ABCA1: variants seen among roughly 807,000 people sequenced by gnomAD.
The protein encoded by ABCA1 is ATP binding cassette subfamily A member 1.
ABCA1 carries 133 observed loss-of-function variants against 262.5 expected under a neutral mutation model. That is an observed-to-expected ratio of 0.51 (90% CI 0.44 to 0.59). The LOEUF (loss-of-function observed/expected upper bound fraction) is 0.59. ABCA1 is among the 20% of genes least tolerant of loss of function. The probability of loss-of-function intolerance (pLI) is 0.00; values close to 1 mark genes in which losing one functional copy is unlikely to be tolerated. For missense variants in ABCA1, 2,452 were observed against 2,777.5 expected (o/e 0.88, Z 2.63); for synonymous variants, 1,022 against 1,043.5 (o/e 0.98, Z 0.40).
At chr9:104,785,841 G>A (rs777761526) in intron 48 of ABCA1, among the ~76,000 whole-genome samples, 1 of 152,166 alleles carries the variant, frequency 6.6e-6, no homozygotes, top group Non-Finnish European at 1.5e-5. Context: ...GTAAATACAT[G>A]ATCTCCTTTA....
rs1831217724 is a variant in ABCA1 at position 104,810,881 on chromosome 9, C to T, written c.4094G>A (p.Ser1365Asn). The T allele has an allele frequency of 6.2e-7, 1 of 1,614,216 alleles. No homozygotes were observed. Among genetic ancestry groups the T allele is most frequent in the Non-Finnish European group, 8.5e-7 (1 of 1,180,046 alleles). The change falls in exon 29 of 50, where the codon AGC becomes AAC. Residue 1365 changes from serine (S) to asparagine (N), a missense_variant. Physicochemically the swap from Ser to Asn is conservative, Grantham distance 46. Transcript: ENST00000374736. ...AVFVCIALVF[S>N]LIVPPFGKYP... ...CTTGCCAAAGGGTGGCACGATCAGG[C>T]TGAACACAAGGGCAATGCAGACAAA...
chr9:104,856,380 C>T (rs1390927348), intron 7 of ABCA1, among the ~76,000 whole-genome samples: 2 of 152,120 alleles, frequency 1.3e-5, no homozygotes, highest in Non-Finnish European at 2.9e-5. Flanking sequence ...TCCACAAACC[C>T]GAGATATGCA....
At chr9:104,806,123 CAA>C in intron 31 of ABCA1, 116 bp downstream of exon 31, 1 of 1,160,840 alleles carries the variant, frequency 8.6e-7, no homozygotes, top group Non-Finnish European at 1.2e-6. Context: ...AAACAAAAAA[CAA>C]AAAAGACTGA....
At chr9:104,875,843 C>T (rs776520102) in intron 5 of ABCA1, among the ~76,000 whole-genome samples, 11 of 152,102 alleles carry the variant, frequency 7.2e-5, no homozygotes, top group Non-Finnish European at 1.6e-4. Flanking sequence ...ACAGGGACCG[C>T]GGTGTGTATG....
intron 1 of ABCA1, among the ~76,000 whole-genome samples, chr9:104,921,089 C>T (rs529370306): frequency 3.5e-5 from 1 of 28,770 alleles, no homozygotes; most frequent in Admixed American, 3.4e-4. Flanking sequence ...ATTCTATTTA[C>T]TTATTTAGAA....
At chr9:104,819,204 T>A (rs1431270256) in intron 22 of ABCA1, among the ~76,000 whole-genome samples, 2 of 152,154 alleles carry the variant, frequency 1.3e-5, no homozygotes, top group African/African-American at 2.4e-5. Flanking sequence ...GCAAAGAAGG[T>A]GAGGCAAGTT....
intron 2 of ABCA1, among the ~76,000 whole-genome samples, chr9:104,902,804 T>A (rs1396079563): frequency 6.6e-6 from 1 of 152,112 alleles, no homozygotes; most frequent in Non-Finnish European, 1.5e-5. Flanking sequence ...ATCATTTTGA[T>A]TACAGACATG....
chr9:104,799,689 T>C, intron 36 of ABCA1, 130 bp downstream of exon 36: 1 of 1,571,340 alleles, frequency 6.4e-7, no homozygotes, highest in East Asian at 2.3e-5. Flanking sequence ...AGAGCCTGGA[T>C]CAATCCAGAT....
chr9:104,785,189 A>C (rs1411640015), intron 49 of ABCA1, among the ~76,000 whole-genome samples: 1 of 152,150 alleles, frequency 6.6e-6, no homozygotes, highest in East Asian at 1.9e-4. Flanking sequence ...TATTACAGTA[A>C]ATTCTCACAA....
Position 104,840,305 on chromosome 9 carries a change from G to A in ABCA1, c.1028C>T (p.Ala343Val), listed in dbSNP as rs200030513. Residue 343 changes from alanine to valine, a missense_variant, in exon 9 of 50, where the codon GCT becomes GTT. By Grantham distance (64) the Ala-to-Val change is moderately conservative (BLOSUM62 0). Transcript: ENST00000374736. ...TGTAGAGTTGTCATAGAAGGTTTCA[G>A]CATCTTCCTCAGTGCCATTGCCTCC... is the stretch of plus-strand genomic sequence containing the variant. ...LFGGNGTEED[A>V]ETFYDNSTTP... The A allele has an allele frequency of 4.5e-4, 729 of 1,614,224 alleles. 9 individuals carry two copies. In the South Asian group the frequency reaches 5.1e-3, roughly 11 times the overall value.
At chr9:104,924,673 T>C (rs1196704531) in intron 1 of ABCA1, among the ~76,000 whole-genome samples, 1 of 151,586 alleles carries the variant, frequency 6.6e-6, no homozygotes, top group Non-Finnish European at 1.5e-5. Context: ...AAAAACCACA[T>C]GCATTTTGAT....
chr9:104,883,021 GAGA>G lies in ABCA1; in HGVS notation c.421+15_421+17del, dbSNP rs1838821670. On this transcript the variant is annotated intron_variant, in intron 5 of 49. Transcript: ENST00000374736. Reference sequence around the variant, plus strand: ...CAATTTCCAATTATAAACGGATGCAGAGAAGGTTTTTACTTACTTGAGCTGGAT... The same window carrying G: ...CAATTTCCAATTATAAACGGATGCAGAGGTTTTTACTTACTTGAGCTGGAT... 6.3e-7 allele frequency: 1 copy of G among 1,590,650 alleles called. No individual in the cohort carries two copies. Among genetic ancestry groups the G allele is most frequent in the Non-Finnish European group, 8.6e-7 (1 of 1,158,572 alleles).
chr9:104,882,651 A>G (rs1030487107), intron 5 of ABCA1, among the ~76,000 whole-genome samples: 2 of 152,260 alleles, frequency 1.3e-5, no homozygotes, highest in African/African-American at 4.8e-5. Context: ...ATCCATATCA[A>G]CTTACAACTG....
rs1564067081 is a variant in ABCA1 at position 104,782,460 on chromosome 9, A to G, written c.*1855T>C. 1 of 152,196 alleles carries G rather than the reference A, an allele frequency of 6.6e-6. No individual in the cohort carries two copies. The highest frequency in any genetic ancestry group is 1.5e-5 in the Non-Finnish European group (1 of 68,016). 9.4% of individuals were successfully genotyped at this position (152,196 alleles called of 1,614,324 possible). On this transcript the variant is annotated 3_prime_UTR_variant, in exon 50 of 50. Transcript: ENST00000374736. Reference sequence around the variant, plus strand: ...AAGTTAGTAATGATATTGAAAGATCACTTGAACTTCCCCAAACAATAGTTC... The same window carrying G: ...AAGTTAGTAATGATATTGAAAGATCGCTTGAACTTCCCCAAACAATAGTTC...
intron 20 of ABCA1, 41 bp from the exon 21 acceptor site, chr9:104,820,110 T>C (rs1699893514): frequency 6.2e-7 from 1 of 1,613,376 alleles, no homozygotes; most frequent in Non-Finnish European, 8.5e-7. Context: ...CCCTACTGGA[T>C]ACCCCAGAAT....
chr9:104,803,409 A>G (rs2118903233), intron 32 of ABCA1, 93 bp from the exon 33 acceptor site: 1 of 1,269,622 alleles, frequency 7.9e-7, no homozygotes, highest in Non-Finnish European at 1.2e-6. Context: ...CTGAGGATAT[A>G]AGGAACGGAC....
intron 1 of ABCA1, among the ~76,000 whole-genome samples, chr9:104,909,990 C>G (rs184591488): frequency 8.0e-4 from 122 of 152,216 alleles, no homozygotes; most frequent in Non-Finnish European, 1.6e-3. Context: ...CTACCAGAAG[C>G]TGTTTGCTTG....
At chr9:104,848,700 A>G (rs1430122711) in intron 7 of ABCA1, among the ~76,000 whole-genome samples, 8 of 151,990 alleles carry the variant, frequency 5.3e-5, no homozygotes, top group African/African-American at 1.9e-4. Context: ...AATCCTCAGG[A>G]GACTCTTTTG....
At chr9:104,802,271 G>T in intron 33 of ABCA1, 112 bp from the exon 34 acceptor site, 1 of 992,460 alleles carries the variant, frequency 1.0e-6, no homozygotes, top group Non-Finnish European at 1.6e-6. Context: ...CTGTTCAAAG[G>T]AGGGCTAAAT....
Sources: allele counts gnomAD v4.1 joint callset (sites outside exome capture counted in the v4.1 genomes callset), GRCh38; gene constraint gnomAD v4.1.1; transcripts MANE v1.5; gene names NCBI Gene and HGNC (gene_info 2026-07-23, HGNC 2026-07-21).